Variants in CREB5 observed in about 807,000 individuals in gnomAD.
CREB5 encodes cAMP responsive element binding protein 5.
CREB5 carries 19 observed loss-of-function variants against 57.1 expected under a neutral mutation model. That is an observed-to-expected ratio of 0.33 (90% CI 0.23 to 0.49). CREB5 has a LOEUF of 0.49. CREB5 is among the 20% of genes least tolerant of loss of function. The pLI, the probability that CREB5 is intolerant of heterozygous loss-of-function variation, is 0.99. For missense variants in CREB5, 579 were observed against 671.6 expected (o/e 0.86, Z 1.52); for synonymous variants, 238 against 238.3 (o/e 1.00, Z 0.01).
chr7:28,370,495 G>C (rs1212464481), intron 1 of CREB5, among the ~76,000 whole-genome samples: 1 of 152,186 alleles, frequency 6.6e-6, no homozygotes, highest in Non-Finnish European at 1.5e-5. Context: ...AATGCATTAA[G>C]ATATTGCACA....
chr7:28,426,906 G>C (rs1195505668), intron 1 of CREB5, among the ~76,000 whole-genome samples: 1 of 152,156 alleles, frequency 6.6e-6, no homozygotes, highest in Non-Finnish European at 1.5e-5. Context: ...AATTTTGCAT[G>C]AACTGACTAA....
chr7:28,487,081 A>G (rs1029186529), intron 1 of CREB5, among the ~76,000 whole-genome samples: 1 of 152,132 alleles, frequency 6.6e-6, no homozygotes, highest in African/African-American at 2.4e-5. Context: ...CCATGGTGCG[A>G]TCTCAGCTCA....
chr7:28,779,297 C>T (rs942257693), intron 7 of CREB5: 6 of 152,026 alleles, frequency 3.9e-5, no homozygotes, highest in Non-Finnish European at 7.4e-5. Context: ...GAAAGCAGGG[C>T]GGATAGACAC....
intron 3 of CREB5, among the ~76,000 whole-genome samples, chr7:28,497,052 A>T (rs1792088023): frequency 6.6e-6 from 1 of 152,204 alleles, no homozygotes; most frequent in African/African-American, 2.4e-5. Context: ...TAAATTCAAA[A>T]GTTCTCCCTT....
intron 1 of CREB5, among the ~76,000 whole-genome samples, chr7:28,389,925 T>C (rs1439383297): frequency 6.6e-6 from 1 of 152,120 alleles, no homozygotes; most frequent in Non-Finnish European, 1.5e-5. Flanking sequence ...GTGCTACATG[T>C]TGAATGATTT....
chr7:28,322,084 C>A (rs1416611627), intron 1 of CREB5, among the ~76,000 whole-genome samples: 1 of 152,010 alleles, frequency 6.6e-6, no homozygotes, highest in Non-Finnish European at 1.5e-5. Context: ...ACTGGTCTAC[C>A]CCAGAGATGT....
At chr7:28,357,351 C>T (rs565020939) in intron 1 of CREB5, among the ~76,000 whole-genome samples, 39 of 152,236 alleles carry the variant, frequency 2.6e-4, no homozygotes, top group African/African-American at 9.4e-4. Flanking sequence ...CCTTTCTTTT[C>T]TTGCAAGCAG....
In CREB5 at chr7:28,612,964, C is replaced by T. The variant is rs41281; in HGVS notation, c.464+42427C>T. ...ATTTTGGCCACTTTAATTCATCCCT[C>T]AAATGTAGTCGTTATGGGAAAAGAA... On this transcript the variant is annotated intron_variant, in intron 5 of 10. Transcript: ENST00000357727. 7.4e-3 allele frequency among the ~76,000 whole-genome samples: 1,124 copies of T among 152,246 alleles called. 8 individuals carry two copies. The highest frequency in any genetic ancestry group is 0.026 in the African/African-American group (1,083 of 41,530).
intron 9 of CREB5, among the ~76,000 whole-genome samples, chr7:28,816,595 A>G (rs1007707053): frequency 1.4e-5 from 2 of 138,962 alleles, no homozygotes; most frequent in Admixed American, 7.2e-5. Context: ...TTTGTTATTA[A>G]TGTTACTCAA....
chr7:28,660,213 G>T lies in CREB5; in HGVS notation c.465-58540G>T, dbSNP rs1343667277. On this transcript the variant is annotated intron_variant, in intron 5 of 10. Transcript: ENST00000357727. ...ACAACATTCTATAAGTGTTTTTTATGAAAAAAAAGTTGCAGTTAAAATAAC... is the reference window on the plus strand; with the variant it reads ...ACAACATTCTATAAGTGTTTTTTATTAAAAAAAAGTTGCAGTTAAAATAAC... Among the ~76,000 whole-genome samples, 3 of 151,714 alleles carry T rather than the reference G, an allele frequency of 2.0e-5. No homozygotes were observed. In the East Asian group the frequency reaches 5.8e-4, roughly 29 times the overall value.
intron 7 of CREB5, among the ~76,000 whole-genome samples, chr7:28,729,773 G>T (rs1193737792): frequency 2.0e-5 from 3 of 152,188 alleles, no homozygotes; most frequent in Admixed American, 6.5e-5. Flanking sequence ...TTGTGACTAG[G>T]AAAGAAGTGC....
intron 1 of CREB5, among the ~76,000 whole-genome samples, chr7:28,345,138 G>T (rs1224650074): frequency 6.6e-6 from 1 of 152,122 alleles, no homozygotes; most frequent in Non-Finnish European, 1.5e-5. Flanking sequence ...ACTGGAACTG[G>T]ACTACACTTT....
intron 1 of CREB5, among the ~76,000 whole-genome samples, chr7:28,444,943 T>A (rs895188757): frequency 1.3e-5 from 2 of 152,222 alleles, no homozygotes; most frequent in South Asian, 2.1e-4. Context: ...TGTTTGGCTG[T>A]GTCCCCACCC....
intron 7 of CREB5, among the ~76,000 whole-genome samples, chr7:28,747,255 A>T (rs1804737849): frequency 6.6e-6 from 1 of 152,232 alleles, no homozygotes; most frequent in African/African-American, 2.4e-5. Context: ...AAATACACAC[A>T]CAGCACCTGC....
At chr7:28,463,579 A>G (rs1397188896) in intron 1 of CREB5, among the ~76,000 whole-genome samples, 4 of 152,302 alleles carry the variant, frequency 2.6e-5, no homozygotes, top group Admixed American at 2.6e-4. Flanking sequence ...AGATTTAGGT[A>G]CACTTTAGCT....
At chr7:28,300,097 TATTA>T (rs1785075260) in intron 1 of CREB5, among the ~76,000 whole-genome samples, 1 of 113,990 alleles carries the variant, frequency 8.8e-6, no homozygotes, top group Admixed American at 9.4e-5. Context: ...TTTATTTATT[TATTA>T]CTACCTTAGG....
At chr7:28,428,814 C>A (rs978996742) in intron 1 of CREB5, among the ~76,000 whole-genome samples, 1 of 152,114 alleles carries the variant, frequency 6.6e-6, no homozygotes, top group African/African-American at 2.4e-5. Flanking sequence ...TCACAGCACA[C>A]AGCCCTTTCC....
At chr7:28,571,115 A>C (rs755876840) in intron 5 of CREB5, among the ~76,000 whole-genome samples, 33 of 152,216 alleles carry the variant, frequency 2.2e-4, no homozygotes, top group Non-Finnish European at 4.4e-4. Context: ...GCGTGTCCAC[A>C]ATGTGGACAC....
At chr7:28,403,929 T>A (rs1787527179) in intron 1 of CREB5, among the ~76,000 whole-genome samples, 1 of 152,242 alleles carries the variant, frequency 6.6e-6, no homozygotes, top group Non-Finnish European at 1.5e-5. Flanking sequence ...TTAGCATTAA[T>A]TTTACTGTTC....
Sources: allele counts gnomAD v4.1 joint callset (sites outside exome capture counted in the v4.1 genomes callset), GRCh38; gene constraint gnomAD v4.1.1; transcripts MANE v1.5; gene names NCBI Gene and HGNC (gene_info 2026-07-23, HGNC 2026-07-21).